The following ST3GAL6 variants were observed in gnomAD, a reference collection of about 807,000 sequenced individuals.
The protein encoded by ST3GAL6 is ST3 beta-galactoside alpha-2,3-sialyltransferase 6.
ST3GAL6 carries 31 observed loss-of-function variants against 40.5 expected under a neutral mutation model. The ratio of observed to expected loss-of-function variants is 0.77; its 90% CI spans 0.58 to 1.03. The LOEUF is 1.03. Among genes scored for constraint, ST3GAL6 ranks in the 50% least tolerant of loss-of-function variants. ST3GAL6 has a pLI of 0.00. For missense variants in ST3GAL6, 357 were observed against 393.2 expected, an observed-to-expected ratio of 0.91 and a Z score of 0.78; for synonymous variants, 129 against 136.9, an observed-to-expected ratio of 0.94 and a Z score of 0.40.
chr3:98,772,999 T>C (rs922030076), intron 4 of ST3GAL6, 83 bp downstream of exon 4: 10 of 809,140 alleles, frequency 1.2e-5, no homozygotes, highest in Non-Finnish European at 1.6e-5. Context: ...TTTTAAGGGC[T>C]TTTATTCTTT....
At chr3:98,782,453 T>C in intron 5 of ST3GAL6, 1 of 616,804 alleles carries the variant, frequency 1.6e-6, no homozygotes. Flanking sequence ...AAATCTAGTC[T>C]CTTCTGGTGA....
intron 6 of ST3GAL6, among the ~76,000 whole-genome samples, chr3:98,786,199 G>C (rs1231878364): frequency 6.6e-6 from 1 of 152,088 alleles, no homozygotes; most frequent in African/African-American, 2.4e-5. Flanking sequence ...TTAAACCATG[G>C]ACTGGGTGAG....
Position 98,795,838 on chromosome 3 carries a change from A to T in ST3GAL6, c.*2077A>T, listed in dbSNP as rs1576147578. ...AGAATCTAAAATAAAAGTTGAAATT[A>T]TTTTTTTAAAAAAAGGATGGCGCTG... On this transcript the variant is annotated 3_prime_UTR_variant, in exon 10 of 10. Coordinates refer to ENST00000483910, the MANE Select transcript of ST3GAL6 (RefSeq NM_001323368.2). 6.6e-6 allele frequency: 1 copy of T among 152,408 alleles called. No homozygotes were observed. The highest frequency in any genetic ancestry group is 1.5e-5 in the Non-Finnish European group (1 of 68,024). 9.4% of individuals were successfully genotyped at this position (152,408 alleles called of 1,614,324 possible). A position where few individuals can be genotyped will look rare whatever the true frequency, so the allele number is the denominator to read the frequency against.
intron 5 of ST3GAL6, among the ~76,000 whole-genome samples, chr3:98,775,526 T>C (rs1045551511): frequency 6.6e-5 from 10 of 151,018 alleles, no homozygotes; most frequent in Admixed American, 4.6e-4. Flanking sequence ...TATCTGCAAA[T>C]ATTTGTAAAG....
At chr3:98,775,671 A>T (rs1466358059) in intron 5 of ST3GAL6, among the ~76,000 whole-genome samples, 5 of 152,132 alleles carry the variant, frequency 3.3e-5, no homozygotes, top group Non-Finnish European at 7.4e-5. Context: ...CTTGTCCCAC[A>T]GGTGTTCATC....
intron 6 of ST3GAL6, among the ~76,000 whole-genome samples, chr3:98,786,577 C>T (rs1322698368): frequency 6.6e-6 from 1 of 152,118 alleles, no homozygotes; most frequent in Non-Finnish European, 1.5e-5. Flanking sequence ...AGAATGTACA[C>T]CTGAATGTAC....
At chr3:98,743,789 C>T (rs536820906) in intron 1 of ST3GAL6, among the ~76,000 whole-genome samples, 1 of 152,106 alleles carries the variant, frequency 6.6e-6, no homozygotes, top group Non-Finnish European at 1.5e-5. Context: ...GTTTCTCTTT[C>T]ACATTAATTA....
At chr3:98,766,613 G>T (rs1938375421) in intron 1 of ST3GAL6, among the ~76,000 whole-genome samples, 1 of 151,964 alleles carries the variant, frequency 6.6e-6, no homozygotes, top group African/African-American at 2.4e-5. Flanking sequence ...AGTAGAGACG[G>T]TGTTTCACCA....
chr3:98,792,140 A>G, intron 9 of ST3GAL6, 147 bp downstream of exon 9: 1 of 674,156 alleles, frequency 1.5e-6, no homozygotes, highest in East Asian at 3.2e-5. Flanking sequence ...CAGGGCTACC[A>G]AGGGCTGTAA....
intron 1 of ST3GAL6, among the ~76,000 whole-genome samples, chr3:98,765,592 TG>T (rs1938241523): frequency 6.6e-6 from 1 of 152,204 alleles, no homozygotes; most frequent in Non-Finnish European, 1.5e-5. Context: ...ACTTATACAT[TG>T]GGTTACATAT....
At chr3:98,750,613 C>T (rs530857739) in intron 1 of ST3GAL6, among the ~76,000 whole-genome samples, 1 of 151,874 alleles carries the variant, frequency 6.6e-6, no homozygotes, top group East Asian at 1.9e-4. Context: ...TGCAGATAAC[C>T]AGGCCCTGCC....
intron 1 of ST3GAL6, among the ~76,000 whole-genome samples, chr3:98,765,562 T>G (rs571732841): frequency 2.6e-5 from 4 of 152,350 alleles, no homozygotes; most frequent in African/African-American, 9.6e-5. Flanking sequence ...AGATTGAGTT[T>G]AATTTGGCAT....
At chr3:98,771,219 G>C (rs1938953584) in intron 3 of ST3GAL6, 1 of 1,298,918 alleles carries the variant, frequency 7.7e-7, no homozygotes, top group African/African-American at 1.5e-5. Flanking sequence ...ATTTGTGTTT[G>C]ATTATAAAAA....
At chr3:98,739,244 C>CA (rs1935845576) in intron 1 of ST3GAL6, among the ~76,000 whole-genome samples, 1 of 151,916 alleles carries the variant, frequency 6.6e-6, no homozygotes, top group Non-Finnish European at 1.5e-5. Flanking sequence ...ATCAAAAATT[C>CA]AAAAAGATCC....
In ST3GAL6 at chr3:98,783,598, A is replaced by T. The variant is rs942959249; in HGVS notation, c.336-1347A>T. 4.1e-5 allele frequency: 40 copies of T among 984,952 alleles called. No individual in the cohort carries two copies. The South Asian group carries it at 1.4e-3, about 34-fold the overall frequency. The allele number at this position is 984,952 out of a possible 1,614,324, so 61.0% of individuals were successfully genotyped here. ...AAAAGAAATAAAAAAAATGCAAAGA[A>T]AATTTAAATGAACAAACAGACCCTT... On this transcript the variant is annotated intron_variant, in intron 5 of 9. Coordinates refer to ENST00000483910, the MANE Select transcript of ST3GAL6 (RefSeq NM_001323368.2).
intron 1 of ST3GAL6, among the ~76,000 whole-genome samples, chr3:98,737,764 C>T (rs1483771245): frequency 6.6e-6 from 1 of 152,056 alleles, no homozygotes; most frequent in African/African-American, 2.4e-5. Context: ...TCAATGATAT[C>T]CAAAGGCTGA....
intron 8 of ST3GAL6, among the ~76,000 whole-genome samples, chr3:98,790,799 C>CT: frequency 6.6e-6 from 1 of 151,876 alleles, no homozygotes; most frequent in Middle Eastern, 3.4e-3. Flanking sequence ...ATGAAGGACT[C>CT]TTAAGATGTG....
intron 1 of ST3GAL6, among the ~76,000 whole-genome samples, chr3:98,753,572 G>C (rs1051221034): frequency 1.3e-5 from 2 of 152,172 alleles, no homozygotes; most frequent in African/African-American, 4.8e-5. Context: ...AGCTTCAAAG[G>C]GCTGGCTCAC....
chr3:98,754,537 A>C (rs1937268977), intron 1 of ST3GAL6, among the ~76,000 whole-genome samples: 3 of 152,240 alleles, frequency 2.0e-5, no homozygotes, highest in Non-Finnish European at 1.5e-5. Flanking sequence ...ATAGTAGATA[A>C]ATTTAGTTGA....
Sources: gnomAD v4.1 joint callset for allele counts (sites outside exome capture counted in the v4.1 genomes callset) on GRCh38, gnomAD v4.1.1 for gene constraint, MANE v1.5 for transcripts, NCBI Gene and HGNC (gene_info 2026-07-23, HGNC 2026-07-21) for gene names.